The following GPR89B variants were observed in gnomAD, a reference collection of about 807,000 sequenced individuals.
The protein encoded by GPR89B is G protein-coupled receptor 89B.
GPR89B carries 25 observed loss-of-function variants against 52.4 expected under a neutral mutation model. The ratio of observed to expected loss-of-function variants is 0.48; its 90% CI spans 0.35 to 0.67. The LOEUF (loss-of-function observed/expected upper bound fraction) is 0.67. GPR89B is among the 30% of genes least tolerant of loss of function. GPR89B has a pLI of 0.01. For synonymous variants in GPR89B, 52 were observed against 151.2 expected, an observed-to-expected ratio of 0.34 and a Z score of 4.81; for missense variants, 146 against 450.2, an observed-to-expected ratio of 0.32 and a Z score of 6.11.
In GPR89B at chr1:147,945,959, CAG is replaced by C. The variant is rs1226237542; in HGVS notation, c.415+1862_415+1863del. Among the ~76,000 whole-genome samples, 10 of 152,238 alleles carry C rather than the reference CAG, an allele frequency of 6.6e-5. No individual in the cohort carries two copies. The South Asian group carries it at 1.2e-3, about 19-fold the overall frequency. ...CAGGATGGTCTCGAACTCCTGAGCT[CAG>C]GGGATCGACCCACCTCAGCTTCCCA... On this transcript the variant is annotated intron_variant, in intron 5 of 13. Transcript: ENST00000314163.
intron 3 of GPR89B, among the ~76,000 whole-genome samples, chr1:147,940,268 T>C (rs1654447968): frequency 6.6e-6 from 1 of 151,498 alleles, no homozygotes; most frequent in South Asian, 2.1e-4. Context: ...CTGGGCATGG[T>C]GGTGGGCGCC....
At chr1:147,998,053 C>G (rs1355968423), downstream of GPR89B, among the ~76,000 whole-genome samples, 5 of 151,914 alleles carry the variant, frequency 3.3e-5, no homozygotes, top group African/African-American at 1.2e-4. Context: ...AGGCATAGAA[C>G]AGGAAACAGG....
Position 147,962,891 on chromosome 1 carries a change from G to A in GPR89B, c.618-3663G>A, listed in dbSNP as rs1469792112. Among the ~76,000 whole-genome samples the A allele has an allele frequency of 7.2e-3, 1,050 of 146,218 alleles. 13 individuals carry two copies. The highest frequency in any genetic ancestry group is 0.026 in the African/African-American group (999 of 39,080). The stretch of plus-strand genomic sequence containing the variant: ...AGCCTGGGCAACAGAGCGAGACTCC[G>A]TCTCAAAAAAAAAAAAATTAAAACA... On this transcript the variant is annotated intron_variant, in intron 7 of 13. Coordinates refer to ENST00000314163, the MANE Select transcript of GPR89B (RefSeq NM_016334.5).
rs1337672108 is a variant in GPR89B, at chr1:147,976,104, G to A, written c.909+6145G>A. Among the ~76,000 whole-genome samples, 1,170 of 152,318 alleles carry A rather than the reference G, an allele frequency of 7.7e-3. 8 individuals carry two copies. The highest frequency in any genetic ancestry group is 0.046 in the East Asian group (239 of 5,192). On this transcript the variant is annotated intron_variant, in intron 10 of 13. Transcript: ENST00000314163. The stretch of plus-strand genomic sequence containing the variant: ...ATCAATTTTAGAGTATGTGCCATGT[G>A]GCACCAAGAAGAATGTATATTCTGT...
chr1:147,939,957 A>G (rs2149040632), intron 3 of GPR89B, among the ~76,000 whole-genome samples: 1 of 151,922 alleles, frequency 6.6e-6, no homozygotes, highest in Admixed American at 6.6e-5. Flanking sequence ...AGCTGTGATC[A>G]CTGGACAAGA....
intron 10 of GPR89B, among the ~76,000 whole-genome samples, chr1:147,971,662 A>G (rs1320684247): frequency 5.3e-5 from 8 of 150,726 alleles, no homozygotes; most frequent in African/African-American, 1.7e-4. Flanking sequence ...TTGTATTTTT[A>G]GTAGAGACAG....
At chr1:147,994,413 A>G, downstream of GPR89B, 11 of 1,001,814 alleles carry the variant, frequency 1.1e-5, no homozygotes, top group Non-Finnish European at 1.6e-5. Context: ...GGGATGATCT[A>G]TTCTAGAGTT....
the GPR89B span, among the ~76,000 whole-genome samples, chr1:148,014,150 C>CT: frequency 1.3e-5 from 2 of 151,268 alleles, no homozygotes; most frequent in African/African-American, 4.9e-5. Flanking sequence ...CGGTTCCACG[C>CT]TGGGTGGACG....
chr1:147,971,537 T>C (rs1462818303), intron 10 of GPR89B, among the ~76,000 whole-genome samples: 1 of 144,248 alleles, frequency 6.9e-6, no homozygotes, highest in Non-Finnish European at 1.5e-5. Context: ...TGCAGTGGCA[T>C]GATCTCGGCT....
chr1:147,931,044 T>G (rs4290113), intron 1 of GPR89B, among the ~76,000 whole-genome samples: 24,538 of 149,486 alleles, frequency 0.16, 2,308 homozygotes, highest in Non-Finnish European at 0.21. Flanking sequence ...CACATTGTTT[T>G]GTAATTACTT....
At chr1:148,017,217 AT>A in the GPR89B span, among the ~76,000 whole-genome samples, 5 of 151,058 alleles carry the variant, frequency 3.3e-5, no homozygotes, top group Middle Eastern at 3.4e-3. Flanking sequence ...AATTTTTTGT[AT>A]TTTTAGTAGA....
chr1:147,971,947 G>A (rs1453687951), intron 10 of GPR89B, among the ~76,000 whole-genome samples: 3 of 151,786 alleles, frequency 2.0e-5, no homozygotes, highest in African/African-American at 4.9e-5. Flanking sequence ...AGATTCCTGA[G>A]ATTCCTGGTG....
Position 147,986,308 on chromosome 1 carries a change from C to T in GPR89B, c.1005+14C>T, listed in dbSNP as rs1405085976. On this transcript the variant is annotated intron_variant, in intron 11 of 13. Coordinates refer to ENST00000314163, the MANE Select transcript of GPR89B (RefSeq NM_016334.5). ...ATCCAATTTGATGTAAGTGTTATAT[C>T]AAGATCCTGGTTTGTCATGTTTCTG... is the stretch of plus-strand genomic sequence containing the variant. 7 of 1,610,678 alleles carry T rather than the reference C, an allele frequency of 4.3e-6. No homozygotes were observed. Among genetic ancestry groups the T allele is most frequent in the African/African-American group, 1.3e-5 (1 of 74,898 alleles).
At chr1:148,021,465 G>C in the GPR89B span, among the ~76,000 whole-genome samples, 1 of 151,896 alleles carries the variant, frequency 6.6e-6, no homozygotes, top group Non-Finnish European at 1.5e-5. Flanking sequence ...TCGCGCCATT[G>C]CACTCCAGCC....
At position 147,981,330 on chromosome 1, in the gene GPR89B, T is replaced by TAC. The variant is rs1164453500; in HGVS notation, c.910-4851_910-4850dup. ...CCCCTCCCTCCCCGACACACACACATACACACACACACACACACAAAATTA... is the reference window on the plus strand; with the variant it reads ...CCCCTCCCTCCCCGACACACACACATACACACACACACACACACACAAAATTA... On this transcript the variant is annotated intron_variant, in intron 10 of 13. Coordinates refer to ENST00000314163, the MANE Select transcript of GPR89B (RefSeq NM_016334.5). 4.9e-3 allele frequency among the ~76,000 whole-genome samples: 726 copies of TAC among 147,918 alleles called. 10 individuals are homozygous for TAC. Among genetic ancestry groups the TAC allele is most frequent in the African/African-American group, 8.6e-3 (343 of 39,768 alleles).
chr1:147,958,426 G>T (rs1656283614), intron 7 of GPR89B, among the ~76,000 whole-genome samples: 1 of 150,002 alleles, frequency 6.7e-6, no homozygotes, highest in Admixed American at 6.7e-5. Context: ...AGAGGCTGAG[G>T]TCATGAGTTC....
At chr1:147,931,119 A>G (rs1653562102) in intron 1 of GPR89B, among the ~76,000 whole-genome samples, 1 of 151,984 alleles carries the variant, frequency 6.6e-6, no homozygotes, top group African/African-American at 2.4e-5. Flanking sequence ...TTGCCATTCT[A>G]TCCCTTGGAC....
At chr1:147,937,260 A>AAAAGGGGAGGG in intron 2 of GPR89B, among the ~76,000 whole-genome samples, 2 of 151,984 alleles carry the variant, frequency 1.3e-5, no homozygotes, top group East Asian at 3.9e-4. Flanking sequence ...TAGGGATTTC[A>AAAAGGGGAGGG]AAAGGGGAGG....
chr1:147,929,532 C>G (rs1233441600), intron 1 of GPR89B, among the ~76,000 whole-genome samples: 1 of 152,142 alleles, frequency 6.6e-6, no homozygotes, highest in Non-Finnish European at 1.5e-5. Flanking sequence ...CCTCATCTTT[C>G]CAATAAAGAT....
Sources: allele counts gnomAD v4.1 joint callset (sites outside exome capture counted in the v4.1 genomes callset), GRCh38; gene constraint gnomAD v4.1.1; transcripts MANE v1.5; gene names NCBI Gene and HGNC (gene_info 2026-07-23, HGNC 2026-07-21).